MUC7: variants seen among roughly 807,000 people sequenced by gnomAD.
The protein encoded by MUC7 is mucin 7, secreted, also known as mucin-7.
A neutral mutation model predicts 2.5 loss-of-function variants in MUC7; 2 were observed. The ratio of observed to expected loss-of-function variants is 0.81; its 90% CI spans 0.33 to 2.55. The LOEUF (loss-of-function observed/expected upper bound fraction) is 2.55. MUC7 is among the 30% of genes most tolerant of loss of function. The probability of loss-of-function intolerance (pLI) is 0.11; values close to 1 mark genes in which losing one functional copy is unlikely to be tolerated. For missense variants in MUC7, 408 were observed against 455.6 expected (o/e 0.90, Z 0.95); for synonymous variants, 133 against 173.4 (o/e 0.77, Z 1.83).
intron 1 of MUC7, among the ~76,000 whole-genome samples, chr4:70,458,339 T>C (rs1473108812): frequency 6.6e-6 from 1 of 152,140 alleles, no homozygotes; most frequent in East Asian, 1.9e-4. Context: ...TGATAAATGA[T>C]GAACTAGGAA....
At chr4:70,468,677 T>C (rs1047099139), upstream of MUC7, among the ~76,000 whole-genome samples, 8 of 151,986 alleles carry the variant, frequency 5.3e-5, no homozygotes, top group African/African-American at 1.9e-4. Context: ...GAGAATAAAA[T>C]ACCTAGGAAT....
intron 1 of MUC7, among the ~76,000 whole-genome samples, chr4:70,438,855 T>A (rs998765647): frequency 6.6e-6 from 1 of 152,152 alleles, no homozygotes; most frequent in Non-Finnish European, 1.5e-5. Context: ...ATAAACCTAC[T>A]CCAGGTTATA....
At chr4:70,470,622 C>T (rs1038158556), upstream of MUC7, among the ~76,000 whole-genome samples, 3 of 152,144 alleles carry the variant, frequency 2.0e-5, no homozygotes, top group African/African-American at 7.2e-5. Context: ...CAACTTATCA[C>T]TAATTGGGTA....
upstream of MUC7, among the ~76,000 whole-genome samples, chr4:70,471,216 TAA>T (rs1577912947): frequency 6.6e-6 from 1 of 152,292 alleles, no homozygotes; most frequent in East Asian, 1.9e-4. Context: ...TTTAAGTTAT[TAA>T]GTTTCTTTTT....
At chr4:70,458,984 TA>T (rs1560551498) in intron 1 of MUC7, among the ~76,000 whole-genome samples, 1 of 152,094 alleles carries the variant, frequency 6.6e-6, no homozygotes, top group Non-Finnish European at 1.5e-5. Context: ...CTAGACAATA[TA>T]AAAGTCATAA....
chr4:70,442,304 CA>C (rs112983885), intron 1 of MUC7, among the ~76,000 whole-genome samples: 2 of 151,550 alleles, frequency 1.3e-5, no homozygotes, highest in African/African-American at 4.8e-5. Context: ...AAAACAGAAG[CA>C]AAAAAAAGTG....
chr4:70,450,473 TGA>T (rs1400928398), intron 1 of MUC7, among the ~76,000 whole-genome samples: 1 of 152,204 alleles, frequency 6.6e-6, no homozygotes, highest in Non-Finnish European at 1.5e-5. Context: ...AGGTGCAAGA[TGA>T]AGTCTCCTTT....
chr4:70,461,110 G>T (rs1362991916), intron 1 of MUC7, among the ~76,000 whole-genome samples: 2 of 152,140 alleles, frequency 1.3e-5, no homozygotes, highest in Non-Finnish European at 2.9e-5. Context: ...GGCCAAGCTG[G>T]CCACTAGCTT....
chr4:70,481,666 A>G lies in MUC7; in HGVS notation c.922A>G (p.Ile308Val). The change falls in exon 3 of 3, where the codon ATT becomes GTT. Residue 308 changes from isoleucine to valine, a missense_variant. Transcript: ENST00000304887. ...PAPQETTAAP[I>V]TTPNSSPTTL... The stretch of plus-strand genomic sequence containing the variant: ...TCCACAAGAGACCACAGCTGCCCCA[A>G]TTACCACACCTAATTCTTCCCCAAC... 2 of 1,613,846 alleles carry G rather than the reference A, an allele frequency of 1.2e-6. No individual in the cohort carries two copies. Among genetic ancestry groups the G allele is most frequent in the Non-Finnish European group, 1.7e-6 (2 of 1,179,950 alleles).
intron 1 of MUC7, among the ~76,000 whole-genome samples, chr4:70,445,972 C>A (rs1000389055): frequency 6.6e-6 from 1 of 152,158 alleles, no homozygotes; most frequent in Non-Finnish European, 1.5e-5. Context: ...ATTAGACAGG[C>A]ATCATCTCAT....
upstream of MUC7, among the ~76,000 whole-genome samples, chr4:70,471,202 C>CTT (rs1267979597): frequency 6.6e-6 from 1 of 151,962 alleles, no homozygotes; most frequent in African/African-American, 2.4e-5. Context: ...TTCTTAAGTT[C>CTT]TTTTTTAAGT....
chr4:70,461,671 C>T (rs1307879249), intron 1 of MUC7, among the ~76,000 whole-genome samples: 1 of 152,118 alleles, frequency 6.6e-6, no homozygotes, highest in Non-Finnish European at 1.5e-5. Flanking sequence ...AAATAATTAT[C>T]ACTTCTCTCA....
chr4:70,457,739 A>G (rs1316629577), intron 1 of MUC7, among the ~76,000 whole-genome samples: 1 of 152,100 alleles, frequency 6.6e-6, no homozygotes, highest in African/African-American at 2.4e-5. Flanking sequence ...TTAAATAGAA[A>G]GAAGGAAAAT....
chr4:70,434,395 G>C (rs952146403), intron 1 of MUC7, among the ~76,000 whole-genome samples: 1 of 152,114 alleles, frequency 6.6e-6, no homozygotes, highest in Non-Finnish European at 1.5e-5. Context: ...CTCAATTTCA[G>C]AACTTGTTAT....
intron 1 of MUC7, among the ~76,000 whole-genome samples, chr4:70,455,206 C>G (rs1734383182): frequency 6.6e-6 from 1 of 151,980 alleles, no homozygotes; most frequent in Non-Finnish European, 1.5e-5. Context: ...GAGTGAGCCC[C>G]CTCTGTGTCT....
chr4:70,469,907 G>A (rs1734787135), upstream of MUC7, among the ~76,000 whole-genome samples: 1 of 151,974 alleles, frequency 6.6e-6, no homozygotes, highest in Non-Finnish European at 1.5e-5. Flanking sequence ...GCCATTACCG[G>A]GTATATACCC....
At chr4:70,470,892 C>G (rs1010939186), upstream of MUC7, among the ~76,000 whole-genome samples, 2 of 152,178 alleles carry the variant, frequency 1.3e-5, no homozygotes, top group African/African-American at 4.8e-5. Flanking sequence ...TTCAAAAGAA[C>G]CATGTCAGAA....
chr4:70,470,865 T>C (rs1734818000), upstream of MUC7, among the ~76,000 whole-genome samples: 1 of 152,212 alleles, frequency 6.6e-6, no homozygotes, highest in African/African-American at 2.4e-5. Context: ...GGCAGCATAA[T>C]AGCTGAGGGT....
At chr4:70,477,502 A>G (rs1735037929) in intron 2 of MUC7, among the ~76,000 whole-genome samples, 1 of 152,106 alleles carries the variant, frequency 6.6e-6, no homozygotes, top group Admixed American at 6.6e-5. Flanking sequence ...TTCCTCAGAG[A>G]ATTTGGCATT....
Sources: allele counts gnomAD v4.1 joint callset (sites outside exome capture counted in the v4.1 genomes callset), GRCh38; gene constraint gnomAD v4.1.1; transcripts MANE v1.5; gene names NCBI Gene and HGNC (gene_info 2026-07-23, HGNC 2026-07-21).